ABHD2: variants seen among roughly 807,000 people sequenced by gnomAD.
ABHD2 encodes the protein abhydrolase domain containing 2, acylglycerol lipase, also known as monoacylglycerol lipase ABHD2.
Under a neutral mutation model 48.1 loss-of-function variants are expected in ABHD2, and 20 were observed. The observed-to-expected ratio is 0.42, with a 90% CI of 0.29 to 0.60. The LOEUF (loss-of-function observed/expected upper bound fraction) is 0.60. Ranked by LOEUF, ABHD2 falls within the 20% of genes least tolerant of loss-of-function variation. The pLI, the probability that ABHD2 is intolerant of heterozygous loss-of-function variation, is 0.24. For missense variants in ABHD2, 405 were observed against 550.9 expected, an observed-to-expected ratio of 0.74 and a Z score of 2.65; for synonymous variants, 209 against 214.2, an observed-to-expected ratio of 0.98 and a Z score of 0.21.
At chr15:89,055,730 T>C in the ABHD2 span, among the ~76,000 whole-genome samples, 1 of 152,224 alleles carries the variant, frequency 6.6e-6, no homozygotes, top group South Asian at 2.1e-4. Flanking sequence ...ATCCATAGCA[T>C]ATTCTATACT....
chr15:89,121,833 A>G (rs973433055), intron 3 of ABHD2, among the ~76,000 whole-genome samples: 1 of 151,980 alleles, frequency 6.6e-6, no homozygotes, highest in Non-Finnish European at 1.5e-5. Flanking sequence ...AAATAGCATC[A>G]ATTCTGCTTT....
chr15:89,115,210 G>A (rs1485593451), intron 2 of ABHD2, among the ~76,000 whole-genome samples: 1 of 152,164 alleles, frequency 6.6e-6, no homozygotes, highest in African/African-American at 2.4e-5. Flanking sequence ...CCTTGGCTAT[G>A]AGAGTTACCA....
chr15:89,191,117 G>A lies in ABHD2; in HGVS notation c.964G>A (p.Glu322Lys). ...CTATAACTCCCTGAAGGAATACTAT[G>A]AGGAAGAAAGTTGCATGCGGTACCT... ...HGYNSLKEYY[E>K]EESCMRYLHR... Residue 322 changes from glutamate to lysine, a missense_variant, in exon 9 of 11, where the codon GAG becomes AAG. Transcript: ENST00000352732. The A allele has an allele frequency of 6.2e-7, 1 of 1,614,038 alleles. No homozygotes were observed. Among genetic ancestry groups the A allele is most frequent in the South Asian group, 1.1e-5 (1 of 91,070 alleles).
chr15:89,171,734 TGA>T (rs962507496), intron 5 of ABHD2, among the ~76,000 whole-genome samples: 1 of 152,118 alleles, frequency 6.6e-6, no homozygotes, highest in African/African-American at 2.4e-5. Context: ...GGCCCAGAGA[TGA>T]GAGAGTGCTT....
chr15:89,197,372 C>G lies in ABHD2; in HGVS notation c.*1949C>G, dbSNP rs1169623295. The G allele has an allele frequency of 1.3e-5, 2 of 152,674 alleles. No homozygotes were observed. The highest frequency in any genetic ancestry group is 4.8e-5 in the African/African-American group (2 of 41,440). 9.5% of individuals were successfully genotyped at this position (152,674 alleles called of 1,614,324 possible). On this transcript the variant is annotated 3_prime_UTR_variant, in exon 11 of 11. Coordinates refer to ENST00000352732, the MANE Select transcript of ABHD2 (RefSeq NM_152924.5). This position sits in a 1 kb window ranked among gnomAD's most constrained non-coding sequence, Gnocchi z 4.4. ...CACGTTCTTTTAGCACAGACTGGCA[C>G]TTTACCCTCTCAGTTTGGAAGTTAG...
At chr15:89,110,127 A>G (rs2049850103) in intron 1 of ABHD2, among the ~76,000 whole-genome samples, 1 of 151,686 alleles carries the variant, frequency 6.6e-6, no homozygotes, top group Non-Finnish European at 1.5e-5. Flanking sequence ...TCTGTTGCCC[A>G]GGCTGGAGTG....
chr15:89,121,664 C>G (rs1012178095), intron 3 of ABHD2, among the ~76,000 whole-genome samples: 4 of 152,110 alleles, frequency 2.6e-5, no homozygotes, highest in African/African-American at 9.7e-5. Flanking sequence ...CTCAAGCAGG[C>G]CAGCAGCCGA....
upstream of ABHD2, among the ~76,000 whole-genome samples, chr15:89,084,247 A>C (rs1298460604): frequency 6.7e-6 from 1 of 149,530 alleles, no homozygotes; most frequent in Admixed American, 6.7e-5. This position sits in a 1 kb window ranked among gnomAD's most constrained non-coding sequence, Gnocchi z 4.4. Flanking sequence ...TGTGTTGGAG[A>C]GTGTGTATAT....
In ABHD2 at chr15:89,199,558, T is replaced by C. The variant is rs1281353760; in HGVS notation, c.*4135T>C. 2.1e-4 allele frequency: 32 copies of C among 152,642 alleles called. No homozygotes were observed. The allele number at this position is 152,642 out of a possible 1,614,324, so 9.5% of individuals were successfully genotyped here. On this transcript the variant is annotated 3_prime_UTR_variant, in exon 11 of 11. Transcript: ENST00000352732. The surrounding 1 kb of genome is among the most constrained non-coding windows in gnomAD (Gnocchi z 4.1). ...AGCAAAACCAGAGAATTTCCTCAAG[T>C]GGCCTGTAGGCTCCTTGTTATCTTA...
chr15:89,170,983 G>T (rs1478633915), intron 5 of ABHD2, among the ~76,000 whole-genome samples: 1 of 152,080 alleles, frequency 6.6e-6, no homozygotes, highest in Non-Finnish European at 1.5e-5. Flanking sequence ...CGGCGTGGTG[G>T]TGGGCGCCTG....
chr15:89,145,684 G>C (rs2050479773), intron 3 of ABHD2, among the ~76,000 whole-genome samples: 1 of 152,230 alleles, frequency 6.6e-6, no homozygotes, highest in African/African-American at 2.4e-5. Flanking sequence ...CCCACTGCAT[G>C]CAGGTAATAA....
chr15:89,123,346 A>G, intron 3 of ABHD2, among the ~76,000 whole-genome samples: 1 of 152,208 alleles, frequency 6.6e-6, no homozygotes, highest in Non-Finnish European at 1.5e-5. Context: ...TCCAATTGGA[A>G]TGCTGTTCTC....
rs2051465513 is a variant in ABHD2 at position 89,201,548 on chromosome 15, A to G, written c.*6125A>G. On this transcript the variant is annotated 3_prime_UTR_variant, in exon 11 of 11. Transcript: ENST00000352732. ...TGTGTTTACTCTTTTCATTCGGATC[A>G]TAGTCAAAGGGCTGTAGCATTACTG... 3 of 1,595,600 alleles carry G rather than the reference A, an allele frequency of 1.9e-6. No individual in the cohort carries two copies. Among genetic ancestry groups the G allele is most frequent in the Non-Finnish European group, 2.6e-6 (3 of 1,163,328 alleles).
chr15:89,049,127 T>A, the ABHD2 span, among the ~76,000 whole-genome samples: 1 of 152,148 alleles, frequency 6.6e-6, no homozygotes, highest in African/African-American at 2.4e-5. Flanking sequence ...GCTGCAGGTC[T>A]GTTGGAGTAC....
the ABHD2 span, among the ~76,000 whole-genome samples, chr15:89,045,437 A>G: frequency 6.6e-6 from 1 of 152,224 alleles, no homozygotes; most frequent in Admixed American, 6.5e-5. Flanking sequence ...TTCTGTGAAG[A>G]AAGTCATTGG....
chr15:89,178,316 C>T (rs141183478), intron 6 of ABHD2, among the ~76,000 whole-genome samples: 6 of 152,230 alleles, frequency 3.9e-5, no homozygotes, highest in Admixed American at 1.3e-4. Context: ...CAGTTCCTTA[C>T]TTTAAACCAG....
At position 89,181,101 on chromosome 15, in the gene ABHD2, C is replaced by T. The variant is rs908691021; in HGVS notation, c.723-4323C>T. Among the ~76,000 whole-genome samples the T allele has an allele frequency of 2.6e-5, 4 of 151,688 alleles. No individual in the cohort carries two copies. In the East Asian group the frequency reaches 7.8e-4, roughly 30 times the overall value. ...ATTAGCCAGGTGTGGTGGCGCGCAC[C>T]TGTAATCCCAGCTACTCAGGAGGCT... On this transcript the variant is annotated intron_variant, in intron 6 of 10. Transcript: ENST00000352732.
In ABHD2 at chr15:89,196,831, G is replaced by C. The variant is rs1427126180; in HGVS notation, c.*1408G>C. ...AAAGTGTGTCTTCTCAAGTGAAAAC[G>C]CAACTCTAGGTTTCAAGTACTCCTT... On this transcript the variant is annotated 3_prime_UTR_variant, in exon 11 of 11. Transcript: ENST00000352732. 1 of 152,560 alleles carries C rather than the reference G, an allele frequency of 6.6e-6. No individual in the cohort carries two copies. The highest frequency in any genetic ancestry group is 1.5e-5 in the Non-Finnish European group (1 of 68,034). The allele number at this position is 152,560 out of a possible 1,614,324, so 9.5% of individuals were successfully genotyped here.
chr15:89,157,850 T>A lies in ABHD2; in HGVS notation c.538+2316T>A, dbSNP rs112818985. On this transcript the variant is annotated intron_variant, in intron 5 of 10. Transcript: ENST00000352732. ...AGAGTGAGACTCCATCTCAAAAAAT[T>A]AAAAAAAATAAATAAATAGGTGAAT... 5.0e-3 allele frequency among the ~76,000 whole-genome samples: 749 copies of A among 150,660 alleles called. 7 individuals carry two copies. Among genetic ancestry groups the A allele is most frequent in the African/African-American group, 0.017 (707 of 40,990 alleles).
Sources: allele counts gnomAD v4.1 joint callset (sites outside exome capture counted in the v4.1 genomes callset), GRCh38; gene constraint gnomAD v4.1.1; non-coding constraint Gnocchi (gnomAD v3.1); transcripts MANE v1.5; gene names NCBI Gene and HGNC (gene_info 2026-07-23, HGNC 2026-07-21).